Variants in DLGAP1 observed in about 807,000 individuals in gnomAD.
The protein encoded by DLGAP1 is DLG associated protein 1.
DLGAP1 carries 11 observed loss-of-function variants against 90.8 expected under a neutral mutation model. The ratio of observed to expected loss-of-function variants is 0.12; its 90% CI spans 0.08 to 0.20. DLGAP1 has a LOEUF of 0.20. Among genes scored for constraint, DLGAP1 ranks in the 10% least tolerant of loss-of-function variants. DLGAP1 has a pLI of 1.00. For synonymous variants in DLGAP1, 558 were observed against 540.7 expected (o/e 1.03, Z -0.44); for missense variants, 1,050 against 1,333.8 (o/e 0.79, Z 3.31).
At position 3,884,661 on chromosome 18, in the gene DLGAP1, T is replaced by C. The variant is rs528833127; in HGVS notation, c.-72-4521A>G. Among the ~76,000 whole-genome samples, 4 of 152,352 alleles carry C rather than the reference T, an allele frequency of 2.6e-5. No homozygotes were observed. The East Asian group carries it at 7.7e-4, about 29-fold the overall frequency. On this transcript the variant is annotated intron_variant, in intron 3 of 12. Coordinates refer to ENST00000315677, the MANE Select transcript of DLGAP1 (RefSeq NM_004746.4). ...GATTTAAGTTAAATGATGTAACCAA[T>C]GATAATTTCTGTAAATTAATCATAC...
chr18:3,981,054 G>T (rs2073717451), intron 3 of DLGAP1, among the ~76,000 whole-genome samples: 1 of 152,204 alleles, frequency 6.6e-6, no homozygotes, highest in Non-Finnish European at 1.5e-5. Context: ...TTTAAAGAAT[G>T]CATGGTTAGC....
At chr18:3,964,408 C>A (rs1003754178) in intron 3 of DLGAP1, among the ~76,000 whole-genome samples, 1 of 152,166 alleles carries the variant, frequency 6.6e-6, no homozygotes, top group Non-Finnish European at 1.5e-5. Context: ...GTGAATACGG[C>A]AGAGGTGGTG....
At chr18:4,049,493 T>C (rs896067853) in intron 2 of DLGAP1, among the ~76,000 whole-genome samples, 2 of 152,094 alleles carry the variant, frequency 1.3e-5, no homozygotes, top group African/African-American at 2.4e-5. Flanking sequence ...TGCCACCATA[T>C]CCCTGTTCTA....
At chr18:3,735,510 AC>A (rs2062602612) in intron 6 of DLGAP1, among the ~76,000 whole-genome samples, 1 of 152,206 alleles carries the variant, frequency 6.6e-6, no homozygotes, top group South Asian at 2.1e-4. Context: ...GGCGTGAGCC[AC>A]CGTGCTTGGC....
chr18:4,126,988 C>A (rs2076242262), intron 2 of DLGAP1, among the ~76,000 whole-genome samples: 1 of 152,106 alleles, frequency 6.6e-6, no homozygotes, highest in African/African-American at 2.4e-5. Context: ...ATAGCACTAA[C>A]CCTTCAGTTC....
chr18:3,793,120 C>T (rs191624969), intron 5 of DLGAP1, among the ~76,000 whole-genome samples: 205 of 152,292 alleles, frequency 1.3e-3, no homozygotes, highest in Non-Finnish European at 2.4e-3. Context: ...GAGGAATTAG[C>T]AGATGAATTG....
At chr18:3,811,478 G>A (rs1336126738) in intron 5 of DLGAP1, among the ~76,000 whole-genome samples, 1 of 152,150 alleles carries the variant, frequency 6.6e-6, no homozygotes, top group Non-Finnish European at 1.5e-5. Context: ...AACAGAAATG[G>A]TGTGGGGAAA....
intron 2 of DLGAP1, among the ~76,000 whole-genome samples, chr18:4,042,089 A>G (rs1231416031): frequency 1.3e-5 from 2 of 152,188 alleles, no homozygotes; most frequent in Non-Finnish European, 2.9e-5. Flanking sequence ...GCAACAGAAG[A>G]AATACATGAT....
At chr18:3,662,115 T>A (rs2059705715) in intron 7 of DLGAP1, among the ~76,000 whole-genome samples, 1 of 151,950 alleles carries the variant, frequency 6.6e-6, no homozygotes, top group African/African-American at 2.4e-5. Context: ...AAAATTTTTT[T>A]TAAAGCTACA....
At chr18:4,443,600 T>C (rs1274994615) in intron 1 of DLGAP1, among the ~76,000 whole-genome samples, 2 of 152,218 alleles carry the variant, frequency 1.3e-5, no homozygotes, top group Non-Finnish European at 2.9e-5. Flanking sequence ...ACAATTTCCA[T>C]GGGAAAATAC....
At chr18:4,003,887 C>T (rs902734781) in intron 3 of DLGAP1, among the ~76,000 whole-genome samples, 1 of 152,148 alleles carries the variant, frequency 6.6e-6, no homozygotes, top group Non-Finnish European at 1.5e-5. Flanking sequence ...GGAAGATGGT[C>T]AGGTATTTGG....
At chr18:3,551,358 C>T (rs1192863134) in intron 9 of DLGAP1, among the ~76,000 whole-genome samples, 1 of 151,802 alleles carries the variant, frequency 6.6e-6, no homozygotes, top group Non-Finnish European at 1.5e-5. Flanking sequence ...CCACGATTCC[C>T]CTGCCTCAGG....
At chr18:3,735,592 A>G (rs2062606102) in intron 6 of DLGAP1, among the ~76,000 whole-genome samples, 1 of 152,160 alleles carries the variant, frequency 6.6e-6, no homozygotes, top group African/African-American at 2.4e-5. Flanking sequence ...TTTTTGTGAT[A>G]GTGTAGTGGG....
At chr18:4,001,840 C>T (rs927569094) in intron 3 of DLGAP1, among the ~76,000 whole-genome samples, 2 of 152,148 alleles carry the variant, frequency 1.3e-5, no homozygotes, top group Non-Finnish European at 2.9e-5. Flanking sequence ...AAGTTGGAGG[C>T]GGCAGGACTC....
At chr18:4,068,253 C>T (rs1197378025) in intron 2 of DLGAP1, among the ~76,000 whole-genome samples, 1 of 151,718 alleles carries the variant, frequency 6.6e-6, no homozygotes, top group Non-Finnish European at 1.5e-5. Context: ...TATCTCTAGG[C>T]TTGTAATAGT....
intron 3 of DLGAP1, among the ~76,000 whole-genome samples, chr18:3,924,105 T>G (rs916712457): frequency 6.6e-6 from 1 of 152,218 alleles, no homozygotes; most frequent in Admixed American, 6.5e-5. Flanking sequence ...GAAATAACTA[T>G]TTCATGGAGT....
At chr18:4,177,301 C>T (rs949959351) in intron 1 of DLGAP1, among the ~76,000 whole-genome samples, 2 of 151,318 alleles carry the variant, frequency 1.3e-5, no homozygotes, top group Non-Finnish European at 2.9e-5. Context: ...CTTAGAGTGG[C>T]TGTTTTCATG....
At chr18:3,988,232 A>G (rs750253018) in intron 3 of DLGAP1, among the ~76,000 whole-genome samples, 1 of 152,018 alleles carries the variant, frequency 6.6e-6, no homozygotes, top group Non-Finnish European at 1.5e-5. Flanking sequence ...CCCAGAACCT[A>G]TGGGGATTTG....
intron 2 of DLGAP1, among the ~76,000 whole-genome samples, chr18:4,028,119 T>C (rs1384374420): frequency 1.3e-5 from 2 of 152,148 alleles, no homozygotes; most frequent in African/African-American, 4.8e-5. Flanking sequence ...GTCAAGAAGA[T>C]TCTAAAACTT....
Sources: gnomAD v4.1 joint callset for allele counts (sites outside exome capture counted in the v4.1 genomes callset) on GRCh38, gnomAD v4.1.1 for gene constraint, MANE v1.5 for transcripts, NCBI Gene and HGNC (gene_info 2026-07-23, HGNC 2026-07-21) for gene names.